The following YTHDF2 variants were observed in gnomAD, a reference collection of about 807,000 sequenced individuals.
The protein encoded by YTHDF2 is YTH N6-methyladenosine RNA binding protein F2.
YTHDF2 carries 2 observed loss-of-function variants against 50.4 expected under a neutral mutation model. The ratio of observed to expected loss-of-function variants is 0.04; its 90% CI spans 0.02 to 0.12. The LOEUF (loss-of-function observed/expected upper bound fraction) is 0.12, where lower values mean the gene tolerates loss of function less well. Ranked by LOEUF, YTHDF2 falls within the 10% of genes least tolerant of loss-of-function variation. The pLI is 1.00. For synonymous variants in YTHDF2, 217 were observed against 255.6 expected (o/e 0.85, Z 1.44); for missense variants, 483 against 722.6 (o/e 0.67, Z 3.80).
At chr1:28,737,602 TTTTCCA>T (rs1460117617) in intron 1 of YTHDF2, 50 bp from the exon 2 acceptor site, 2 of 1,612,192 alleles carry the variant, frequency 1.2e-6, no homozygotes, top group African/African-American at 2.7e-5. Context: ...TTGTTCTTCC[TTTTCCA>T]TTTCTCCTTT....
At chr1:28,765,822 T>G (rs2088207466) in intron 4 of YTHDF2, among the ~76,000 whole-genome samples, 1 of 152,216 alleles carries the variant, frequency 6.6e-6, no homozygotes, top group South Asian at 2.1e-4. Flanking sequence ...TTTTAAAATG[T>G]GTATATATAA....
chr1:28,747,698 G>A (rs1231234120), intron 4 of YTHDF2, among the ~76,000 whole-genome samples: 1 of 150,102 alleles, frequency 6.7e-6, no homozygotes. Context: ...GATTACAGGC[G>A]TGAGCCACCA....
chr1:28,765,956 G>A (rs574026784), intron 4 of YTHDF2, among the ~76,000 whole-genome samples: 2 of 152,250 alleles, frequency 1.3e-5, no homozygotes, highest in Admixed American at 6.5e-5. Flanking sequence ...TCAAAATCAG[G>A]AAATTTAATT....
At chr1:28,746,847 C>T (rs1345619383) in intron 4 of YTHDF2, among the ~76,000 whole-genome samples, 4 of 152,050 alleles carry the variant, frequency 2.6e-5, no homozygotes, top group African/African-American at 7.2e-5. Flanking sequence ...TTTGGGAGGC[C>T]GAGGTGGGCG....
intron 4 of YTHDF2, among the ~76,000 whole-genome samples, chr1:28,751,964 A>C (rs1424358225): frequency 6.6e-6 from 1 of 152,202 alleles, no homozygotes; most frequent in Non-Finnish European, 1.5e-5. Flanking sequence ...GTACACACAG[A>C]AGCTTAGCTA....
intron 2 of YTHDF2, among the ~76,000 whole-genome samples, 176 bp from the exon 3 acceptor site, chr1:28,738,083 G>T (rs1354132546): frequency 1.3e-5 from 2 of 152,122 alleles, no homozygotes; most frequent in Non-Finnish European, 2.9e-5. Flanking sequence ...GGTGGAGGGG[G>T]ACATTTTCAC....
intron 4 of YTHDF2, among the ~76,000 whole-genome samples, chr1:28,752,404 G>A (rs573774546): frequency 3.8e-4 from 58 of 152,090 alleles, no homozygotes; most frequent in Non-Finnish European, 5.6e-4. Context: ...CCGGGTTCAG[G>A]GCTGCCTCAG....
intron 4 of YTHDF2, among the ~76,000 whole-genome samples, chr1:28,748,504 A>G (rs968487309): frequency 3.3e-5 from 5 of 152,188 alleles, no homozygotes; most frequent in Non-Finnish European, 7.3e-5. Context: ...TTAAAGTTCC[A>G]TGATTGGGCA....
chr1:28,749,985 T>TG (rs1263257251), intron 4 of YTHDF2, among the ~76,000 whole-genome samples: 3,458 of 95,428 alleles, frequency 0.036, 61 homozygotes, highest in South Asian at 0.062. Context: ...AAAAAAAGGT[T>TG]GTTTTTTTTT....
In YTHDF2 at chr1:28,742,421, A is replaced by G. The variant is rs1278650008; in HGVS notation, c.151A>G (p.Met51Val). The change falls in exon 4 of 5, where the codon ATG becomes GTG. Residue 51 changes from methionine (M) to valine (V), a missense_variant. Transcript: ENST00000373812. ...TCCACAGAATAATGCATATACTGCC[A>G]TGTCAGATTCCTACTTACCCAGTTA... The part of the protein sequence containing the change: ...QARPNNAYTA[M>V]SDSYLPSYYS... The G allele has an allele frequency of 1.3e-6, 2 of 1,569,814 alleles. No homozygotes were observed. The highest frequency in any genetic ancestry group is 2.0e-5 in the Admixed American group (1 of 49,950).
chr1:28,748,141 C>CA (rs915765235), intron 4 of YTHDF2, among the ~76,000 whole-genome samples: 9 of 150,040 alleles, frequency 6.0e-5, no homozygotes, highest in African/African-American at 1.2e-4. Context: ...AAAAAAAAAC[C>CA]AAAAAAAAGA....
At chr1:28,763,754 CA>C (rs2088169784) in intron 4 of YTHDF2, among the ~76,000 whole-genome samples, 1 of 106,254 alleles carries the variant, frequency 9.4e-6, no homozygotes, top group South Asian at 2.6e-4. Context: ...TGTGCCCAGC[CA>C]ATTTTTTTTT....
intron 3 of YTHDF2, among the ~76,000 whole-genome samples, chr1:28,741,569 C>T (rs1399019273): frequency 2.0e-5 from 3 of 152,210 alleles, no homozygotes; most frequent in African/African-American, 7.2e-5. Context: ...TCTGGGATTA[C>T]AGGCGGGAGC....
chr1:28,760,674 A>G (rs907972270), intron 4 of YTHDF2, among the ~76,000 whole-genome samples: 1 of 151,836 alleles, frequency 6.6e-6, no homozygotes, highest in African/African-American at 2.4e-5. Flanking sequence ...TCCACCTCCC[A>G]GGTTCAAACG....
chr1:28,737,823 C>A, intron 2 of YTHDF2, 141 bp downstream of exon 2: 2 of 968,074 alleles, frequency 2.1e-6, no homozygotes, highest in African/African-American at 1.6e-5. Flanking sequence ...GTATTTTGAC[C>A]CTTTCGGTGT....
At chr1:28,761,957 C>CAT (rs972260754) in intron 4 of YTHDF2, among the ~76,000 whole-genome samples, 30 of 152,016 alleles carry the variant, frequency 2.0e-4, no homozygotes, top group Non-Finnish European at 1.5e-4. Flanking sequence ...CTTGATGTTT[C>CAT]ATATATATAT....
chr1:28,749,803 A>G (rs1394127993), intron 4 of YTHDF2, among the ~76,000 whole-genome samples: 1 of 152,062 alleles, frequency 6.6e-6, no homozygotes, highest in African/African-American at 2.4e-5. Context: ...GATTTTTCTG[A>G]ATAACTGCAG....
chr1:28,768,029 C>T lies in YTHDF2; in HGVS notation c.1717-900C>T, dbSNP rs557011352. On this transcript the variant is annotated intron_variant, in intron 4 of 4. Coordinates refer to ENST00000373812, the MANE Select transcript of YTHDF2 (RefSeq NM_016258.3). ...CAGCCTGGCCAACATGGTGAAACCC[C>T]GTCTCTACTAAAAATAGAAAAAATT... Among the ~76,000 whole-genome samples the T allele has an allele frequency of 3.6e-3, 541 of 151,314 alleles. 7 individuals are homozygous for T. Among genetic ancestry groups the T allele is most frequent in the African/African-American group, 0.012 (516 of 41,288 alleles).
At chr1:28,768,360 C>T (rs1242090073) in intron 4 of YTHDF2, among the ~76,000 whole-genome samples, 2 of 151,204 alleles carry the variant, frequency 1.3e-5, no homozygotes, top group Non-Finnish European at 2.9e-5. Context: ...CAGATTACCA[C>T]CTCCCTAGGG....
Sources: allele counts gnomAD v4.1 joint callset (sites outside exome capture counted in the v4.1 genomes callset), GRCh38; gene constraint gnomAD v4.1.1; transcripts MANE v1.5; gene names NCBI Gene and HGNC (gene_info 2026-07-23, HGNC 2026-07-21).